Variants in NRXN3 observed in about 807,000 individuals in gnomAD.
NRXN3 encodes neurexin 3, also known as neurexin III.
NRXN3 carries 32 observed loss-of-function variants against 137.6 expected under a neutral mutation model. The ratio of observed to expected loss-of-function variants is 0.23; its 90% CI spans 0.18 to 0.31. The LOEUF is 0.31. Ranked by LOEUF, NRXN3 falls within the 10% of genes least tolerant of loss-of-function variation. The probability of loss-of-function intolerance (pLI) is 1.00; values close to 1 mark genes in which losing one functional copy is unlikely to be tolerated. For missense variants in NRXN3, 1,574 were observed against 2,062.5 expected (o/e 0.76, Z 4.59); for synonymous variants, 798 against 784.5 (o/e 1.02, Z -0.29).
At chr14:79,285,556 C>T (rs1447609779) in intron 15 of NRXN3, among the ~76,000 whole-genome samples, 1 of 152,140 alleles carries the variant, frequency 6.6e-6, no homozygotes, top group African/African-American at 2.4e-5. Flanking sequence ...TTCTTTCTGA[C>T]ATCTCTCTCC....
At chr14:78,967,112 G>A in intron 12 of NRXN3, 96 bp from the exon 13 acceptor site, 1 of 976,156 alleles carries the variant, frequency 1.0e-6, no homozygotes, top group Non-Finnish European at 1.5e-6. Context: ...GTTTAGCATG[G>A]GGGATTTGAA....
chr14:79,816,784 G>A (rs754463877), intron 20 of NRXN3, among the ~76,000 whole-genome samples: 10 of 152,116 alleles, frequency 6.6e-5, no homozygotes, highest in Non-Finnish European at 1.3e-4. Flanking sequence ...AATGTCCTTT[G>A]CTTCCACATT....
intron 16 of NRXN3, among the ~76,000 whole-genome samples, chr14:79,573,311 G>A (rs142581398): frequency 0.011 from 1,748 of 152,272 alleles, 20 homozygotes; most frequent in Middle Eastern, 0.048. Context: ...AAAAGAAGGT[G>A]TAGGGCAGGT....
chr14:79,423,155 C>T (rs1442944640), intron 15 of NRXN3, among the ~76,000 whole-genome samples: 1 of 152,136 alleles, frequency 6.6e-6, no homozygotes, highest in Non-Finnish European at 1.5e-5. Context: ...CAGATTCTTG[C>T]TCATGGCCAG....
rs553809392 is a variant in NRXN3 at position 79,071,272 on chromosome 14, T to C, written c.3262+83131T>C. On this transcript the variant is annotated intron_variant, in intron 15 of 20. Coordinates refer to ENST00000335750, the MANE Select transcript of NRXN3 (RefSeq NM_001330195.2). ...ATTATACTTTAAGTTCTGTGATACA[T>C]GTGCAGAACATGCAGGTTTGTTACA... Among the ~76,000 whole-genome samples, 10 of 152,244 alleles carry C rather than the reference T, an allele frequency of 6.6e-5. No individual in the cohort carries two copies. In the South Asian group the frequency reaches 2.1e-3, roughly 32 times the overall value.
intron 15 of NRXN3, among the ~76,000 whole-genome samples, chr14:79,051,594 G>A (rs2099641991): frequency 6.6e-6 from 1 of 152,206 alleles, no homozygotes; most frequent in Non-Finnish European, 1.5e-5. Context: ...CTATTTCAGA[G>A]CTGGAAAGTC....
intron 19 of NRXN3, among the ~76,000 whole-genome samples, chr14:79,763,389 T>C (rs1010428432): frequency 4.4e-5 from 3 of 68,166 alleles, no homozygotes; most frequent in Non-Finnish European, 7.2e-5. Context: ...TGTGTCTTTA[T>C]AGTAGAATGA....
At chr14:79,388,017 G>T (rs2094698210) in intron 15 of NRXN3, among the ~76,000 whole-genome samples, 1 of 151,608 alleles carries the variant, frequency 6.6e-6, no homozygotes, top group Non-Finnish European at 1.5e-5. Context: ...ACGAGTTAAT[G>T]GGTGCAGCAC....
At chr14:79,207,100 G>A (rs1258954721) in intron 15 of NRXN3, among the ~76,000 whole-genome samples, 3 of 152,158 alleles carry the variant, frequency 2.0e-5, no homozygotes, top group Non-Finnish European at 4.4e-5. Context: ...AAACCTGTGA[G>A]TTTTGAAAGT....
intron 16 of NRXN3, among the ~76,000 whole-genome samples, chr14:79,635,157 A>G (rs2098394106): frequency 6.6e-6 from 1 of 152,228 alleles, no homozygotes; most frequent in South Asian, 2.1e-4. Flanking sequence ...TACAATATAC[A>G]CAGGTATGGA....
At chr14:78,543,542 G>A (rs185638632) in intron 4 of NRXN3, among the ~76,000 whole-genome samples, 47 of 152,192 alleles carry the variant, frequency 3.1e-4, no homozygotes, top group African/African-American at 1.0e-3. Context: ...AATAAGCATA[G>A]CATCTCTCTT....
chr14:79,323,184 C>A (rs1032941474), intron 15 of NRXN3, among the ~76,000 whole-genome samples: 6 of 152,184 alleles, frequency 3.9e-5, no homozygotes, highest in South Asian at 2.1e-4. Flanking sequence ...CAGGTGCATG[C>A]AACCATGCCC....
At chr14:78,458,265 G>C (rs1297768390) in intron 4 of NRXN3, among the ~76,000 whole-genome samples, 4 of 152,294 alleles carry the variant, frequency 2.6e-5, no homozygotes. Flanking sequence ...TTGCTCAGAG[G>C]ACTCAAACTG....
At chr14:78,445,918 C>T (rs1425181776) in intron 4 of NRXN3, among the ~76,000 whole-genome samples, 3 of 152,136 alleles carry the variant, frequency 2.0e-5, no homozygotes, top group Non-Finnish European at 2.9e-5. Flanking sequence ...AAAGCCTGCT[C>T]GCTCTTAGTC....
intron 15 of NRXN3, among the ~76,000 whole-genome samples, chr14:79,276,333 G>A (rs890786502): frequency 1.3e-5 from 2 of 152,152 alleles, no homozygotes; most frequent in African/African-American, 4.8e-5. Flanking sequence ...GGGTAAATTG[G>A]AGAGGGACAT....
chr14:79,621,445 T>G (rs1206985608), intron 16 of NRXN3, among the ~76,000 whole-genome samples: 1 of 152,248 alleles, frequency 6.6e-6, no homozygotes, highest in East Asian at 1.9e-4. Flanking sequence ...GATAACTTTA[T>G]GAGTCCTTTG....
intron 15 of NRXN3, among the ~76,000 whole-genome samples, chr14:79,405,756 C>T (rs2095298118): frequency 6.6e-6 from 1 of 152,142 alleles, no homozygotes; most frequent in Non-Finnish European, 1.5e-5. Flanking sequence ...ATTTGCAATG[C>T]CTGGAGGAAG....
At chr14:79,018,366 C>T (rs2099583439) in intron 15 of NRXN3, among the ~76,000 whole-genome samples, 2 of 150,264 alleles carry the variant, frequency 1.3e-5, no homozygotes, top group Admixed American at 1.3e-4. Context: ...CTCAAGGAAC[C>T]TTTGATGGGA....
At chr14:79,529,431 A>C (rs7158779) in intron 16 of NRXN3, among the ~76,000 whole-genome samples, 1 of 152,104 alleles carries the variant, frequency 6.6e-6, no homozygotes, top group Non-Finnish European at 1.5e-5. Flanking sequence ...CCTGTCTTTG[A>C]TTTTACTTCC....
Sources: allele counts gnomAD v4.1 joint callset (sites outside exome capture counted in the v4.1 genomes callset), GRCh38; gene constraint gnomAD v4.1.1; transcripts MANE v1.5; gene names NCBI Gene and HGNC (gene_info 2026-07-23, HGNC 2026-07-21).